TCAIM: variants seen among roughly 807,000 people sequenced by gnomAD.
TCAIM encodes T cell activation inhibitor, mitochondrial, also known as T-cell activation inhibitor, mitochondrial.
A neutral mutation model predicts 58.6 loss-of-function variants in TCAIM; 36 were observed. That is an observed-to-expected ratio of 0.61 (90% CI 0.47 to 0.81). TCAIM has a LOEUF of 0.81. TCAIM is among the 30% of genes least tolerant of loss of function. TCAIM has a pLI of 0.00. For missense variants in TCAIM, 466 were observed against 579.6 expected, an observed-to-expected ratio of 0.80 and a Z score of 2.01; for synonymous variants, 172 against 193.6, an observed-to-expected ratio of 0.89 and a Z score of 0.93.
chr3:44,401,022 G>C, intron 9 of TCAIM, 181 bp from the exon 10 acceptor site: 1 of 844,910 alleles, frequency 1.2e-6, no homozygotes. Context: ...CAAGTAGGTC[G>C]TGATCTTCTG....
intron 4 of TCAIM, among the ~76,000 whole-genome samples, chr3:44,365,227 A>C (rs1408565601): frequency 6.6e-6 from 1 of 152,204 alleles, no homozygotes; most frequent in Non-Finnish European, 1.5e-5. Context: ...ACTAAAAAAA[A>C]GTATTTCTTA....
Position 44,363,920 on chromosome 3 carries a change from C to CTTTTTTTTTT in TCAIM, c.319+2420_319+2429dup, listed in dbSNP as rs56361211. ...CAACTGGACAACACAGCAAGTCTGT[C>CTTTTTTTTTT]TTTTTTTTTTTTTTTTTTTTTTTTT... On this transcript the variant is annotated intron_variant, in intron 4 of 10. Coordinates refer to ENST00000342649, the MANE Select transcript of TCAIM (RefSeq NM_173826.4). Among the ~76,000 whole-genome samples the CTTTTTTTTTT allele has an allele frequency of 3.0e-5, 2 of 67,414 alleles. 1 individual carries two copies. The highest frequency in any genetic ancestry group is 1.2e-4 in the African/African-American group (2 of 17,310). 44.2% of individuals were successfully genotyped at this position (67,414 alleles called of 152,430 possible). A position where few individuals can be genotyped will look rare whatever the true frequency, so the allele number is the denominator to read the frequency against.
chr3:44,395,038 A>G (rs1411464231), intron 6 of TCAIM, among the ~76,000 whole-genome samples: 1 of 143,230 alleles, frequency 7.0e-6, no homozygotes, highest in African/African-American at 2.6e-5. Flanking sequence ...TTTGAGGACC[A>G]TGGGCATGAG....
intron 5 of TCAIM, among the ~76,000 whole-genome samples, chr3:44,372,747 C>A (rs921006784): frequency 1.3e-5 from 2 of 152,040 alleles, no homozygotes; most frequent in African/African-American, 2.4e-5. Flanking sequence ...GCGCCTGCCA[C>A]CACACCCGGC....
chr3:44,358,097 T>G, intron 3 of TCAIM: 1 of 1,411,354 alleles, frequency 7.1e-7, no homozygotes. Context: ...TCATTTAAAC[T>G]CTTTAGAGTA....
At chr3:44,366,891 A>G (rs922090297) in intron 4 of TCAIM, among the ~76,000 whole-genome samples, 2 of 152,162 alleles carry the variant, frequency 1.3e-5, no homozygotes, top group African/African-American at 4.8e-5. Flanking sequence ...TAACTTTTAA[A>G]CAACTAGAGA....
chr3:44,351,382 T>C lies in TCAIM; in HGVS notation c.-44-3357T>C, dbSNP rs186121144. On this transcript the variant is annotated intron_variant, in intron 1 of 10. Transcript: ENST00000342649. ...TTCCTCATTGTATCTCCATTTGATC[T>C]CAGAAATCTTTGAAGTGGTAGAAGT... Among the ~76,000 whole-genome samples, 621 of 152,218 alleles carry C rather than the reference T, an allele frequency of 4.1e-3. 9 individuals are homozygous for C. Among genetic ancestry groups the C allele is most frequent in the African/African-American group, 0.014 (593 of 41,538 alleles).
At chr3:44,368,304 A>G (rs1359735630) in intron 5 of TCAIM, among the ~76,000 whole-genome samples, 1 of 152,252 alleles carries the variant, frequency 6.6e-6, no homozygotes, top group Non-Finnish European at 1.5e-5. Flanking sequence ...TTTGGATTTC[A>G]TAAAGACCCA....
At position 44,354,719 on chromosome 3, in the gene TCAIM, A is replaced by AT; in HGVS notation, c.-44-19dup. 6.5e-7 allele frequency: 1 copy of AT among 1,531,784 alleles called. No individual in the cohort carries two copies. Among genetic ancestry groups the AT allele is most frequent in the Non-Finnish European group, 8.9e-7 (1 of 1,124,594 alleles). The allele number at this position is 1,531,784 out of a possible 1,614,324, so 94.9% of individuals were successfully genotyped here. A position where few individuals can be genotyped will look rare whatever the true frequency, so the allele number is the denominator to read the frequency against. The stretch of plus-strand genomic sequence containing the variant: ...TTAAAATTCTACTTGTTCATTTGTG[A>AT]TATCTGCTTAACTTTTAAGCAATTA... On this transcript the variant is annotated intron_variant, in intron 1 of 10. Coordinates refer to ENST00000342649, the MANE Select transcript of TCAIM (RefSeq NM_173826.4).
chr3:44,395,047 A>G (rs1207448685), intron 6 of TCAIM, among the ~76,000 whole-genome samples: 7 of 146,682 alleles, frequency 4.8e-5, no homozygotes, highest in Non-Finnish European at 8.9e-5. Context: ...CATGGGCATG[A>G]GGGCTTTTTT....
chr3:44,386,444 G>A (rs1701743887), intron 5 of TCAIM, among the ~76,000 whole-genome samples: 2 of 152,310 alleles, frequency 1.3e-5, no homozygotes, highest in South Asian at 4.1e-4. Flanking sequence ...GAACAGGCAG[G>A]AGCCCCACCT....
chr3:44,345,545 A>G (rs1269876497), intron 1 of TCAIM, among the ~76,000 whole-genome samples: 1 of 151,846 alleles, frequency 6.6e-6, no homozygotes, highest in Non-Finnish European at 1.5e-5. Context: ...TTTTTTTAGC[A>G]GTGACTAACG....
At chr3:44,406,181 C>T (rs1420742157) in intron 10 of TCAIM, among the ~76,000 whole-genome samples, 1 of 152,116 alleles carries the variant, frequency 6.6e-6, no homozygotes, top group Non-Finnish European at 1.5e-5. Flanking sequence ...AGACTGTAGG[C>T]TTCTCCTAAA....
At chr3:44,390,649 A>G (rs573049760) in intron 5 of TCAIM, among the ~76,000 whole-genome samples, 2 of 152,228 alleles carry the variant, frequency 1.3e-5, no homozygotes, top group African/African-American at 4.8e-5. Context: ...TACAGAGAAG[A>G]TTAGCATAGC....
intron 5 of TCAIM, among the ~76,000 whole-genome samples, chr3:44,386,984 A>G (rs1701753812): frequency 6.6e-6 from 1 of 152,228 alleles, no homozygotes; most frequent in Non-Finnish European, 1.5e-5. Context: ...TGAAGACTTC[A>G]CTGATGACCG....
At chr3:44,349,222 T>C (rs1701034618) in intron 1 of TCAIM, among the ~76,000 whole-genome samples, 2 of 152,118 alleles carry the variant, frequency 1.3e-5, no homozygotes, top group South Asian at 4.2e-4. Context: ...AAGCAGAGAT[T>C]AGGAAGGGAC....
At chr3:44,391,907 A>G (rs1473776581) in intron 5 of TCAIM, among the ~76,000 whole-genome samples, 1 of 152,150 alleles carries the variant, frequency 6.6e-6, no homozygotes, top group Non-Finnish European at 1.5e-5. Flanking sequence ...GTCCCATCAG[A>G]TATGTCTGTT....
intron 2 of TCAIM, among the ~76,000 whole-genome samples, chr3:44,355,024 G>A (rs1335167506): frequency 1.3e-5 from 2 of 152,190 alleles, no homozygotes; most frequent in African/African-American, 4.8e-5. Flanking sequence ...CTTCAGAAGA[G>A]TTAGGTGTGA....
At chr3:44,342,556 ATC>A (rs942612024) in intron 1 of TCAIM, among the ~76,000 whole-genome samples, 2 of 152,104 alleles carry the variant, frequency 1.3e-5, no homozygotes, top group African/African-American at 4.8e-5. Flanking sequence ...AGACTTGGAA[ATC>A]TCTAGCTTTT....
Sources: gnomAD v4.1 joint callset for allele counts (sites outside exome capture counted in the v4.1 genomes callset) on GRCh38, gnomAD v4.1.1 for gene constraint, MANE v1.5 for transcripts, NCBI Gene and HGNC (gene_info 2026-07-23, HGNC 2026-07-21) for gene names.